Variants in SPMAP2L observed in about 807,000 individuals in gnomAD.
SPMAP2L encodes the protein sperm microtubule associated protein 2 like.
chr4:56,578,061 A>G, the SPMAP2L span, among the ~76,000 whole-genome samples: 2 of 152,258 alleles, frequency 1.3e-5, no homozygotes, highest in Admixed American at 6.5e-5. Context: ...TATAGAATGT[A>G]GCACATTTTA....
chr4:56,625,216 T>C, the SPMAP2L span, among the ~76,000 whole-genome samples: 4 of 152,156 alleles, frequency 2.6e-5, no homozygotes, highest in Non-Finnish European at 5.9e-5. Context: ...ATTTCTCCCA[T>C]TTGGCATGAC....
At chr4:56,618,955 G>C in the SPMAP2L span, among the ~76,000 whole-genome samples, 1 of 152,160 alleles carries the variant, frequency 6.6e-6, no homozygotes, top group Non-Finnish European at 1.5e-5. Flanking sequence ...TAGCTTATCT[G>C]CTTCCTGTTT....
the SPMAP2L span, among the ~76,000 whole-genome samples, chr4:56,545,942 G>A: frequency 5.9e-5 from 9 of 151,846 alleles, no homozygotes; most frequent in Non-Finnish European, 1.0e-4. Context: ...ACAGACGCCC[G>A]CCACCACACC....
chr4:56,566,042 A>C, the SPMAP2L span, among the ~76,000 whole-genome samples: 36 of 152,298 alleles, frequency 2.4e-4, no homozygotes, highest in East Asian at 6.7e-3. Context: ...CCAATCTGAT[A>C]ATCTCTGTTT....
At chr4:56,552,465 T>C in the SPMAP2L span, 14 of 662,348 alleles carry the variant, frequency 2.1e-5, no homozygotes, top group African/African-American at 5.8e-5. Flanking sequence ...TTCTTTTTTT[T>C]CCCCCCTCCT....
the SPMAP2L span, among the ~76,000 whole-genome samples, chr4:56,556,537 T>C: frequency 6.6e-6 from 1 of 152,158 alleles, no homozygotes; most frequent in Non-Finnish European, 1.5e-5. Flanking sequence ...TGAGAATAAC[T>C]GGACAGACTC....
chr4:56,552,047 C>T, the SPMAP2L span, among the ~76,000 whole-genome samples: 2 of 152,220 alleles, frequency 1.3e-5, no homozygotes, highest in African/African-American at 2.4e-5. Flanking sequence ...CACAAACTCT[C>T]TCTGCTGCAA....
chr4:56,553,514 C>T, the SPMAP2L span, among the ~76,000 whole-genome samples: 4 of 147,640 alleles, frequency 2.7e-5, no homozygotes, highest in East Asian at 7.9e-4. Context: ...TTTTTTTAAA[C>T]AAAATTAATA....
chr4:56,595,237 C>G, the SPMAP2L span: 1 of 1,611,968 alleles, frequency 6.2e-7, no homozygotes, highest in South Asian at 1.1e-5. Flanking sequence ...TTATGTGGGT[C>G]ATGAATTTAT....
chr4:56,594,336 T>C, the SPMAP2L span: 2 of 1,527,820 alleles, frequency 1.3e-6, no homozygotes, highest in Admixed American at 1.7e-5. Flanking sequence ...TCCTGCACCA[T>C]GAAACTGAAC....
the SPMAP2L span, chr4:56,531,036 G>T: frequency 6.5e-7 from 1 of 1,535,436 alleles, no homozygotes; most frequent in South Asian, 1.2e-5. Flanking sequence ...AACCCCGCCA[G>T]CTCCGCCACA....
At chr4:56,565,319 G>A in the SPMAP2L span, among the ~76,000 whole-genome samples, 3 of 151,892 alleles carry the variant, frequency 2.0e-5, no homozygotes, top group Non-Finnish European at 4.4e-5. Flanking sequence ...CAATTCTATT[G>A]GTTTTTACTT....
chr4:56,594,616 C>G, the SPMAP2L span: 1 of 1,460,788 alleles, frequency 6.8e-7, no homozygotes, highest in Non-Finnish European at 9.6e-7. Flanking sequence ...CACATGGGAC[C>G]AACCCAACAA....
At chr4:56,594,709 G>A in the SPMAP2L span, 6 of 1,404,506 alleles carry the variant, frequency 4.3e-6, no homozygotes, top group South Asian at 5.8e-5. Context: ...TCAAGGCCAT[G>A]GTGGATAAGC....
the SPMAP2L span, among the ~76,000 whole-genome samples, chr4:56,575,997 A>T: frequency 6.6e-6 from 1 of 152,196 alleles, no homozygotes; most frequent in Non-Finnish European, 1.5e-5. Context: ...TTGAAGGCTG[A>T]ATTTCTCCTT....
At chr4:56,593,361 A>G in the SPMAP2L span, 2 of 1,219,966 alleles carry the variant, frequency 1.6e-6, no homozygotes, top group Non-Finnish European at 2.4e-6. Context: ...TCCAGACTCG[A>G]GCCAAATATA....
At chr4:56,603,452 T>G in the SPMAP2L span, 1 of 577,678 alleles carries the variant, frequency 1.7e-6, no homozygotes, top group Non-Finnish European at 2.9e-6. Flanking sequence ...ATGAGACCTT[T>G]AGGGAAAACC....
chr4:56,594,406 G>A, the SPMAP2L span: 1 of 1,591,020 alleles, frequency 6.3e-7, no homozygotes, highest in South Asian at 1.1e-5. Context: ...ACCCCTTTGT[G>A]CCTCTGGACC....
chr4:56,561,954 C>T, the SPMAP2L span, among the ~76,000 whole-genome samples: 2 of 152,086 alleles, frequency 1.3e-5, no homozygotes, highest in African/African-American at 2.4e-5. Context: ...GAACTCTTGA[C>T]CTCAGGTGAT....
Sources: gnomAD v4.1 joint callset for allele counts (sites outside exome capture counted in the v4.1 genomes callset) on GRCh38, gnomAD v4.1.1 for gene constraint, MANE v1.5 for transcripts, NCBI Gene and HGNC (gene_info 2026-07-23, HGNC 2026-07-21) for gene names.